The following ZHX2 variants were observed in gnomAD, a reference collection of about 807,000 sequenced individuals.
The protein encoded by ZHX2 is zinc fingers and homeoboxes 2.
A neutral mutation model predicts 21.9 loss-of-function variants in ZHX2; 6 were observed. That is an observed-to-expected ratio of 0.27 (90% CI 0.15 to 0.54). The LOEUF (loss-of-function observed/expected upper bound fraction) is 0.54. Among genes scored for constraint, ZHX2 ranks in the 20% least tolerant of loss-of-function variants. ZHX2 has a pLI of 0.95. For missense variants in ZHX2, 908 were observed against 1,090.7 expected, an observed-to-expected ratio of 0.83 and a Z score of 2.36; for synonymous variants, 434 against 437.1, an observed-to-expected ratio of 0.99 and a Z score of 0.09.
intron 2 of ZHX2, among the ~76,000 whole-genome samples, chr8:122,927,464 C>T (rs1294524929): frequency 1.3e-5 from 2 of 152,230 alleles, no homozygotes; most frequent in Non-Finnish European, 2.9e-5. Context: ...CACTGCACTC[C>T]AGCCTGGGCA....
At chr8:122,913,990 C>T (rs1820539964) in intron 2 of ZHX2, among the ~76,000 whole-genome samples, 1 of 152,234 alleles carries the variant, frequency 6.6e-6, no homozygotes, top group African/African-American at 2.4e-5. Flanking sequence ...ACTCTATATG[C>T]TCTCTTCTCT....
At chr8:122,925,584 G>A (rs1415296548) in intron 2 of ZHX2, among the ~76,000 whole-genome samples, 10 of 152,300 alleles carry the variant, frequency 6.6e-5, no homozygotes, top group Non-Finnish European at 1.5e-4. Flanking sequence ...GTAGGAGGAG[G>A]GATATAAGCA....
At chr8:122,871,534 G>T (rs1473346259) in intron 2 of ZHX2, among the ~76,000 whole-genome samples, 19 of 115,658 alleles carry the variant, frequency 1.6e-4, no homozygotes, top group African/African-American at 6.3e-4. Context: ...GTTGTGGGGT[G>T]GGGGGAGGGG....
At chr8:122,909,670 C>T (rs1329041018) in intron 2 of ZHX2, among the ~76,000 whole-genome samples, 6 of 151,984 alleles carry the variant, frequency 3.9e-5, no homozygotes, top group African/African-American at 7.3e-5. Context: ...GGTGCCAGGG[C>T]GTGGTATTCA....
chr8:122,888,251 T>G (rs1346813703), intron 2 of ZHX2, among the ~76,000 whole-genome samples: 1 of 152,026 alleles, frequency 6.6e-6, no homozygotes, highest in Non-Finnish European at 1.5e-5. Flanking sequence ...GATTTTTTTT[T>G]TTGTTTTTCT....
chr8:122,911,639 C>G (rs557305198), intron 2 of ZHX2, among the ~76,000 whole-genome samples: 1 of 151,992 alleles, frequency 6.6e-6, no homozygotes, highest in African/African-American at 2.4e-5. Context: ...ATGTGCTGAG[C>G]CCTGGGGACA....
chr8:122,849,004 G>A (rs1037925316), intron 1 of ZHX2, among the ~76,000 whole-genome samples: 3 of 152,250 alleles, frequency 2.0e-5, no homozygotes, highest in African/African-American at 7.2e-5. Context: ...CTGCTTGCCT[G>A]TGAACTAAAA....
intron 3 of ZHX2, among the ~76,000 whole-genome samples, chr8:122,961,306 C>G (rs1813436488): frequency 6.6e-6 from 1 of 152,200 alleles, no homozygotes; most frequent in Non-Finnish European, 1.5e-5. Flanking sequence ...TTACCCCACC[C>G]TTAGTTACCT....
chr8:122,886,937 G>A (rs1586361197), intron 2 of ZHX2, among the ~76,000 whole-genome samples: 4 of 152,272 alleles, frequency 2.6e-5, no homozygotes, highest in East Asian at 1.9e-4. Flanking sequence ...ACAAGGAAAT[G>A]GAGGCTCAGA....
intron 2 of ZHX2, among the ~76,000 whole-genome samples, chr8:122,893,019 A>G (rs1291755346): frequency 1.3e-5 from 2 of 152,090 alleles, no homozygotes; most frequent in East Asian, 3.9e-4. Flanking sequence ...AGTGATGATG[A>G]TTTCCCTCAT....
At chr8:122,785,031 G>A (rs572417708) in intron 1 of ZHX2, among the ~76,000 whole-genome samples, 4 of 152,212 alleles carry the variant, frequency 2.6e-5, no homozygotes, top group African/African-American at 7.2e-5. Context: ...AGCCGACTGC[G>A]GGGAAGCACT....
At chr8:122,891,270 TTGTGTGTGTGTGTGTGTGTGTG>T (rs59893492) in intron 2 of ZHX2, among the ~76,000 whole-genome samples, 34 of 77,736 alleles carry the variant, frequency 4.4e-4, no homozygotes, top group African/African-American at 1.4e-3. Flanking sequence ...TCTTGGTAGA[TTGTGTGTGTGTGTGTGTGTGTG>T]TGTGTGTGTG....
In ZHX2 at chr8:122,952,177, G is replaced by T; in HGVS notation, c.667G>T (p.Ala223Ser). The stretch of plus-strand genomic sequence containing the variant: ...GACCGCCCGCCTGGTGACAGACACA[G>T]CTGAGATCCTCTCGAGACTCGGCGG... ...EGTARLVTDT[A>S]EILSRLGGVE... is the part of the protein sequence containing the mutation. The change falls in exon 3 of 4, where the codon GCT (alanine) becomes TCT (serine). Residue 223 changes from alanine to serine, a missense_variant. Physicochemically the swap from Ala to Ser is moderately conservative, Grantham distance 99. This residue lies in a region of ZHX2 where 220 missense variants were observed against 251.4 expected (regional missense o/e 0.88). Transcript: ENST00000314393. The surrounding 1 kb of genome is among the most constrained non-coding windows in gnomAD (Gnocchi z 6.9). 1 of 1,613,338 alleles carries T rather than the reference G, an allele frequency of 6.2e-7. No individual in the cohort carries two copies. The highest frequency in any genetic ancestry group is 8.5e-7 in the Non-Finnish European group (1 of 1,179,900).
At chr8:122,783,352 A>G (rs538276722) in intron 1 of ZHX2, among the ~76,000 whole-genome samples, 38 of 151,972 alleles carry the variant, frequency 2.5e-4, no homozygotes, top group Non-Finnish European at 5.3e-4. Flanking sequence ...CTGCTCTCTG[A>G]TCACTTTCTC....
At chr8:122,965,865 T>G (rs192173376) in intron 3 of ZHX2, among the ~76,000 whole-genome samples, 2 of 152,196 alleles carry the variant, frequency 1.3e-5, no homozygotes, top group Non-Finnish European at 2.9e-5. Context: ...GATTGTAATA[T>G]TTTTGTATTG....
At chr8:122,910,858 A>G (rs1291772920) in intron 2 of ZHX2, among the ~76,000 whole-genome samples, 1 of 152,098 alleles carries the variant, frequency 6.6e-6, no homozygotes, top group Non-Finnish European at 1.5e-5. Flanking sequence ...CTCACTTACG[A>G]AGCACAAATT....
intron 2 of ZHX2, among the ~76,000 whole-genome samples, chr8:122,899,602 A>G (rs750156633): frequency 6.6e-6 from 1 of 152,220 alleles, no homozygotes; most frequent in Non-Finnish European, 1.5e-5. Context: ...TACCCCAAAG[A>G]GAAATGCCGT....
intron 1 of ZHX2, among the ~76,000 whole-genome samples, chr8:122,863,017 C>G (rs964654965): frequency 2.0e-5 from 3 of 152,138 alleles, no homozygotes; most frequent in African/African-American, 7.2e-5. Flanking sequence ...TATAAATACG[C>G]TTTGGGGGCT....
chr8:122,845,427 T>A (rs559149788), intron 1 of ZHX2, among the ~76,000 whole-genome samples: 16 of 152,368 alleles, frequency 1.1e-4, no homozygotes, highest in Admixed American at 2.6e-4. Context: ...TCTGGTTTTC[T>A]ACCCAGGAAA....
Sources: gnomAD v4.1 joint callset for allele counts (sites outside exome capture counted in the v4.1 genomes callset) on GRCh38, gnomAD v4.1.1 for gene constraint, gnomAD v4.1.1 regional missense constraint, Gnocchi (gnomAD v3.1) non-coding constraint, MANE v1.5 for transcripts, NCBI Gene and HGNC (gene_info 2026-07-23, HGNC 2026-07-21) for gene names.